The following CBLB variants were observed in gnomAD, a reference collection of about 807,000 sequenced individuals.
CBLB encodes the protein E3 ubiquitin-protein ligase CBL-B.
A neutral mutation model predicts 104.9 loss-of-function variants in CBLB; 31 were observed. The ratio of observed to expected loss-of-function variants is 0.30; its 90% confidence interval spans 0.22 to 0.40. CBLB has a LOEUF of 0.40. Ranked by LOEUF, CBLB falls within the 10% of genes least tolerant of loss-of-function variation. CBLB has a pLI of 1.00. For synonymous variants in CBLB, 440 were observed against 422.6 expected, an observed-to-expected ratio of 1.04 and a Z score of -0.51; for missense variants, 1,062 against 1,214.6, an observed-to-expected ratio of 0.87 and a Z score of 1.87.
rs2086176894 is a variant in CBLB at position 105,823,613 on chromosome 3, T to C, written c.419+29801A>G. ...TCCTGACTGAGTCACCAGCACCCTT[T>C]GATAAACAACTTATTGCTTTGCTGC... On this transcript the variant is annotated intron_variant, in intron 3 of 18. Transcript: ENST00000394030. 2.6e-5 allele frequency among the ~76,000 whole-genome samples: 4 copies of C among 152,304 alleles called. No individual in the cohort carries two copies. The South Asian group carries it at 6.2e-4, about 24-fold the overall frequency.
chr3:105,723,252 T>C (rs945368984), intron 9 of CBLB, among the ~76,000 whole-genome samples: 14 of 152,166 alleles, frequency 9.2e-5, no homozygotes, highest in African/African-American at 3.4e-4. Flanking sequence ...AAATAATGTT[T>C]CTGTCAATGT....
At chr3:105,711,766 T>C (rs1415134658) in intron 10 of CBLB, among the ~76,000 whole-genome samples, 2 of 152,098 alleles carry the variant, frequency 1.3e-5, no homozygotes, top group Non-Finnish European at 2.9e-5. Context: ...AGAAACAGAA[T>C]GTAGGCACCC....
chr3:105,808,735 T>C (rs573163932), intron 3 of CBLB, among the ~76,000 whole-genome samples: 3 of 152,308 alleles, frequency 2.0e-5, no homozygotes, highest in Admixed American at 6.5e-5. Context: ...ATTCATTGCA[T>C]ATATTTCAAA....
At chr3:105,698,788 A>C (rs1205876850) in intron 12 of CBLB, among the ~76,000 whole-genome samples, 1 of 152,074 alleles carries the variant, frequency 6.6e-6, no homozygotes, top group African/African-American at 2.4e-5. Flanking sequence ...ATTTTCATTA[A>C]AAATCTTAGT....
At chr3:105,758,594 G>T (rs1560112752) in intron 4 of CBLB, among the ~76,000 whole-genome samples, 1 of 152,236 alleles carries the variant, frequency 6.6e-6, no homozygotes, top group Non-Finnish European at 1.5e-5. Flanking sequence ...TCCCACACCT[G>T]CCAAGGACGA....
Position 105,670,292 on chromosome 3 carries a change from C to T in CBLB, c.2630G>A (p.Gly877Asp), listed in dbSNP as rs56304118. 1.9e-6 allele frequency: 3 copies of T among 1,612,220 alleles called. No homozygotes were observed. The highest frequency in any genetic ancestry group is 2.5e-6 in the Non-Finnish European group (3 of 1,178,438). The change falls in exon 18 of 19, where the codon GGT becomes GAT. Residue 877 changes from glycine (G) to aspartate (D), a missense_variant. By Grantham distance (94) the Gly-to-Asp change is moderately conservative. Coordinates refer to ENST00000394030, the MANE Select transcript of CBLB (RefSeq NM_170662.5). ...VPLPPARRLP[G>D]ENVKTNRTSQ... The stretch of plus-strand genomic sequence containing the variant: ...TGTTCTGTTAGTTTTGACATTTTCA[C>T]CTGGTAACCTTCTAGCAGGAGGCAA...
At chr3:105,678,900 C>CAA (rs2065966482) in intron 16 of CBLB, among the ~76,000 whole-genome samples, 1 of 152,092 alleles carries the variant, frequency 6.6e-6, no homozygotes, top group South Asian at 2.1e-4. Context: ...TATTAGGACT[C>CAA]AGAGTTTGAA....
chr3:105,724,038 C>T (rs1048496487), intron 9 of CBLB: 4 of 168,028 alleles, frequency 2.4e-5, no homozygotes, highest in Non-Finnish European at 5.2e-5. Context: ...TGCTATATTT[C>T]ATGTAGCTAT....
At chr3:105,700,782 T>A (rs1354738234) in intron 12 of CBLB, among the ~76,000 whole-genome samples, 4 of 152,204 alleles carry the variant, frequency 2.6e-5, no homozygotes, top group Admixed American at 6.5e-5. Flanking sequence ...GTTGTGACTC[T>A]TCCTTTCCTG....
At chr3:105,829,107 C>T (rs1049257755) in intron 3 of CBLB, among the ~76,000 whole-genome samples, 13 of 151,422 alleles carry the variant, frequency 8.6e-5, no homozygotes, top group African/African-American at 3.2e-4. Flanking sequence ...CCTGTCCTCC[C>T]ATGTAATGAA....
chr3:105,765,152 T>G lies in CBLB; in HGVS notation c.566+11244A>C, dbSNP rs138068364. Among the ~76,000 whole-genome samples the G allele has an allele frequency of 2.3e-4, 35 of 152,228 alleles. No homozygotes were observed. The East Asian group carries it at 6.8e-3, about 29-fold the overall frequency. On this transcript the variant is annotated intron_variant, in intron 4 of 18. Transcript: ENST00000394030. ...TGTGGCTACACAAAACAACAGATAA[T>G]TAATGTAGATGAAACAGCCTTAAGA... is the stretch of plus-strand genomic sequence containing the variant.
At chr3:105,845,694 C>CGA (rs1489968312) in intron 3 of CBLB, among the ~76,000 whole-genome samples, 2 of 152,052 alleles carry the variant, frequency 1.3e-5, no homozygotes, top group African/African-American at 4.8e-5. Flanking sequence ...TGCAAGCTCT[C>CGA]ACCTGCCTCC....
intron 14 of CBLB, among the ~76,000 whole-genome samples, chr3:105,684,605 T>A (rs944159069): frequency 1.3e-5 from 2 of 151,440 alleles, no homozygotes; most frequent in Non-Finnish European, 2.9e-5. Context: ...CAGGCTGGAG[T>A]GCAGTGGCAC....
At chr3:105,677,990 T>G (rs758009961) in intron 17 of CBLB, among the ~76,000 whole-genome samples, 7 of 152,076 alleles carry the variant, frequency 4.6e-5, no homozygotes, top group Non-Finnish European at 8.8e-5. Flanking sequence ...ACAACATAAT[T>G]TACCAAAATC....
At chr3:105,868,707 G>A (rs1330299225) in intron 1 of CBLB, 29 bp downstream of exon 1, 3 of 997,052 alleles carry the variant, frequency 3.0e-6, no homozygotes, top group Non-Finnish European at 3.6e-6. Flanking sequence ...GAAGTGTGGA[G>A]CCTCCCCGGC....
At chr3:105,758,940 A>G (rs938888652) in intron 4 of CBLB, among the ~76,000 whole-genome samples, 4 of 152,188 alleles carry the variant, frequency 2.6e-5, no homozygotes, top group African/African-American at 4.8e-5. Flanking sequence ...ATTGCCCACA[A>G]TGTGGGGCGT....
At chr3:105,722,407 G>T (rs957466099) in intron 9 of CBLB, among the ~76,000 whole-genome samples, 1 of 151,840 alleles carries the variant, frequency 6.6e-6, no homozygotes, top group African/African-American at 2.4e-5. Flanking sequence ...CCTATCACCC[G>T]ACTTCAACAA....
At chr3:105,759,280 G>A (rs1171107654) in intron 4 of CBLB, among the ~76,000 whole-genome samples, 2 of 152,156 alleles carry the variant, frequency 1.3e-5, no homozygotes, top group Non-Finnish European at 2.9e-5. Flanking sequence ...AAGGAAGTGT[G>A]TGCTGACTGG....
intron 6 of CBLB, 101 bp from the exon 7 acceptor site, chr3:105,740,732 T>C: frequency 9.5e-7 from 1 of 1,054,646 alleles, no homozygotes; most frequent in Non-Finnish European, 1.4e-6. Flanking sequence ...AACAATCATT[T>C]AGAATTCCTG....
Sources: allele counts gnomAD v4.1 joint callset (sites outside exome capture counted in the v4.1 genomes callset), GRCh38; gene constraint gnomAD v4.1.1; transcripts MANE v1.5; gene names NCBI Gene and HGNC (gene_info 2026-07-23, HGNC 2026-07-21).